Variants in SPATA18 observed in about 807,000 individuals in gnomAD.
The protein encoded by SPATA18 is spermatogenesis associated 18, also known as mitochondria-eating protein.
A neutral mutation model predicts 68.1 loss-of-function variants in SPATA18; 54 were observed. The ratio of observed to expected loss-of-function variants is 0.79; its 90% CI spans 0.64 to 0.99. SPATA18 has a LOEUF of 0.99. Ranked by LOEUF, SPATA18 falls within the 50% of genes least tolerant of loss-of-function variation. SPATA18 has a pLI of 0.00. For missense variants in SPATA18, 724 were observed against 681.1 expected, an observed-to-expected ratio of 1.06 and a Z score of -0.70; for synonymous variants, 242 against 244.8, an observed-to-expected ratio of 0.99 and a Z score of 0.11.
chr4:52,057,265 A>G (rs1040521661), intron 1 of SPATA18, among the ~76,000 whole-genome samples: 2 of 152,096 alleles, frequency 1.3e-5, no homozygotes, highest in Admixed American at 6.5e-5. Context: ...TTATGAATGA[A>G]TAAATCTGGA....
intron 1 of SPATA18, among the ~76,000 whole-genome samples, chr4:52,053,989 C>A (rs1367387318): frequency 6.6e-6 from 1 of 152,218 alleles, no homozygotes; most frequent in South Asian, 2.1e-4. Context: ...TTAACCTTAT[C>A]TGTTACTCTC....
At chr4:52,068,373 T>TA (rs762513981) in intron 4 of SPATA18, among the ~76,000 whole-genome samples, 8 of 152,192 alleles carry the variant, frequency 5.3e-5, no homozygotes, top group Non-Finnish European at 1.2e-4. Flanking sequence ...ACTGTTTAGG[T>TA]ACTGGGGATA....
At chr4:52,072,984 G>C (rs1578174079) in intron 6 of SPATA18, among the ~76,000 whole-genome samples, 1 of 152,126 alleles carries the variant, frequency 6.6e-6, no homozygotes, top group Non-Finnish European at 1.5e-5. Context: ...GGACAAAGTA[G>C]GTGTTTCTCT....
At position 52,079,891 on chromosome 4, in the gene SPATA18, G is replaced by A; in HGVS notation, c.1327G>A (p.Ala443Thr). The A allele has an allele frequency of 1.2e-6, 2 of 1,613,366 alleles. No individual in the cohort carries two copies. The highest frequency in any genetic ancestry group is 1.7e-5 in the Admixed American group (1 of 59,900). The change falls in exon 9 of 13, where the codon GCA becomes ACA. Residue 443 changes from alanine to threonine, a missense_variant. Ala to Thr is a moderately conservative substitution (Grantham distance 58, BLOSUM62 0). Coordinates refer to ENST00000295213, the MANE Select transcript of SPATA18 (RefSeq NM_145263.4). ...ACCACCCCTAGATATTGCATATGGA[G>A]CAGATGGAGAAGTTTTTAATGATTG... ...LEPPLDIAYG[A>T]DGEVFNDCKY... is the part of the protein sequence containing the mutation.
rs540248780 is a variant in SPATA18, at chr4:52,065,006, G to C, written c.422+2674G>C. On this transcript the variant is annotated intron_variant, in intron 4 of 12. Coordinates refer to ENST00000295213, the MANE Select transcript of SPATA18 (RefSeq NM_145263.4). ...TGGTATTGCATTGTGATTTTAAATT[G>C]CATTTCCCTGATAATTAGTGATGCT... Among the ~76,000 whole-genome samples the C allele has an allele frequency of 2.3e-4, 35 of 152,186 alleles. No individual in the cohort carries two copies. The South Asian group carries it at 7.1e-3, about 31-fold the overall frequency.
intron 8 of SPATA18, 33 bp from the exon 9 acceptor site, chr4:52,079,711 G>A (rs1740750554): frequency 6.2e-7 from 1 of 1,608,038 alleles, no homozygotes; most frequent in African/African-American, 1.3e-5. Flanking sequence ...GTCACAGGCT[G>A]GTAACAAAGT....
At position 52,095,501 on chromosome 4, in the gene SPATA18, C is replaced by T. The variant is rs997790772; in HGVS notation, c.*614C>T. The T allele has an allele frequency of 2.6e-5, 4 of 152,080 alleles. No homozygotes were observed. Among genetic ancestry groups the T allele is most frequent in the Middle Eastern group, 3.2e-3 (1 of 316 alleles). 9.4% of individuals were successfully genotyped at this position (152,080 alleles called of 1,614,324 possible). The stretch of plus-strand genomic sequence containing the variant: ...ATATTTATTGGTTGGCTTGCTTTTC[C>T]GTTCTGATTTTGAGAGTGCCCAGTT... On this transcript the variant is annotated 3_prime_UTR_variant, in exon 13 of 13. Transcript: ENST00000295213.
intron 8 of SPATA18, 129 bp downstream of exon 8, chr4:52,079,022 G>A: frequency 9.6e-7 from 1 of 1,044,466 alleles, no homozygotes; most frequent in Non-Finnish European, 1.3e-6. Context: ...GAAAGGAACA[G>A]CATTCAATTT....
chr4:52,062,305 G>A lies in SPATA18; in HGVS notation c.395G>A (p.Arg132Gln), dbSNP rs375880386. Residue 132 changes from arginine (R) to glutamine (Q), a missense_variant, in exon 4 of 13, where the codon CGG (arginine) becomes CAG (glutamine). By Grantham distance (43) the Arg-to-Gln change is conservative. Coordinates refer to ENST00000295213, the MANE Select transcript of SPATA18 (RefSeq NM_145263.4). ...QQLDSNLNST[R>Q]SQCNQVQDDL... The stretch of plus-strand genomic sequence containing the variant: ...TTAGACTCTAATTTGAACTCAACCC[G>A]GAGTCAATGCAACCAGGTTCAAGAC... 4.3e-5 allele frequency: 70 copies of A among 1,609,246 alleles called. No homozygotes were observed. The South Asian group carries it at 5.9e-4, about 13-fold the overall frequency.
At position 52,082,482 on chromosome 4, in the gene SPATA18, G is replaced by A; in HGVS notation, c.1451G>A (p.Gly484Glu). Residue 484 changes from glycine (G) to glutamate (E), a missense_variant, in exon 10 of 13, where the codon GGA becomes GAA. Transcript: ENST00000295213. ...GAGAATGACTGTGTCATTATGAAGG[G>A]AGAAGCTGTCACCAGGAGAGGGGCT... ...LMENDCVIMK[G>E]EAVTRRGAFW... 1 of 1,614,122 alleles carries A rather than the reference G, an allele frequency of 6.2e-7. No individual in the cohort carries two copies. The highest frequency in any genetic ancestry group is 8.5e-7 in the Non-Finnish European group (1 of 1,179,996).
chr4:52,060,881 A>G lies in SPATA18; in HGVS notation c.293A>G (p.Lys98Arg). The change falls in exon 3 of 13, where the codon AAG (lysine) becomes AGG (arginine). Residue 98 changes from lysine (K) to arginine (R), a missense_variant. Transcript: ENST00000295213. ...TCCCTGGGAAAATCTGTTGACAGCA[A>G]GGTCCCCTCTCTGCAGGTAGGGATG... ...AASLGKSVDS[K>R]VPSLQDTFDR... 7 of 1,613,886 alleles carry G rather than the reference A, an allele frequency of 4.3e-6. No homozygotes were observed. Among genetic ancestry groups the G allele is most frequent in the Non-Finnish European group, 5.9e-6 (7 of 1,179,862 alleles).
intron 1 of SPATA18, among the ~76,000 whole-genome samples, chr4:52,053,033 A>G (rs878948136): frequency 1.8e-4 from 28 of 152,248 alleles, no homozygotes; most frequent in African/African-American, 6.5e-4. Context: ...CTAATTTTAA[A>G]AGTACCTACT....
Position 52,096,459 on chromosome 4 carries a change from G to T in SPATA18, c.*1572G>T, listed in dbSNP as rs1232052081. On this transcript the variant is annotated 3_prime_UTR_variant, in exon 13 of 13. Coordinates refer to ENST00000295213, the MANE Select transcript of SPATA18 (RefSeq NM_145263.4). The stretch of plus-strand genomic sequence containing the variant: ...AAGTATTTTATTCTGAATATGAAAT[G>T]AAAATTAAAGTTAATATAATCATCT... The T allele has an allele frequency of 6.6e-6, 1 of 152,092 alleles. No individual in the cohort carries two copies. The highest frequency in any genetic ancestry group is 2.1e-4 in the South Asian group (1 of 4,820). The allele number at this position is 152,092 out of a possible 1,614,324, so 9.4% of individuals were successfully genotyped here. A position where few individuals can be genotyped will look rare whatever the true frequency, so the allele number is the denominator to read the frequency against.
intron 10 of SPATA18, chr4:52,083,388 A>G: frequency 1.0e-6 from 1 of 985,384 alleles, no homozygotes; most frequent in South Asian, 4.7e-5. Flanking sequence ...AGAACTGAAG[A>G]AAAGGGTTTT....
intron 5 of SPATA18, among the ~76,000 whole-genome samples, chr4:52,071,248 G>A (rs535734732): frequency 1.8e-4 from 27 of 151,868 alleles, no homozygotes; most frequent in Non-Finnish European, 3.1e-4. Context: ...CATTTTCATC[G>A]TAGCATCTTC....
chr4:52,095,017 C>A lies in SPATA18; in HGVS notation c.*130C>A. The A allele has an allele frequency of 9.4e-7, 1 of 1,063,464 alleles. No individual in the cohort carries two copies. Among genetic ancestry groups the A allele is most frequent in the East Asian group, 2.4e-5 (1 of 41,962 alleles). The allele number at this position is 1,063,464 out of a possible 1,614,324, so 65.9% of individuals were successfully genotyped here. A position where few individuals can be genotyped will look rare whatever the true frequency, so the allele number is the denominator to read the frequency against. ...CAAAAGGCAATTCTGTGTATCACCC[C>A]ACACAGAGAGTTAAATGTTTTGGCT... On this transcript the variant is annotated 3_prime_UTR_variant, in exon 13 of 13. Transcript: ENST00000295213.
Position 52,083,572 on chromosome 4 carries a change from T to C in SPATA18, c.1479+1062T>C, listed in dbSNP as rs375814625. 1.0e-4 allele frequency: 72 copies of C among 693,224 alleles called. No individual in the cohort carries two copies. In the African/African-American group the frequency reaches 1.2e-3, roughly 12 times the overall value. The allele number at this position is 693,224 out of a possible 1,614,324, so 42.9% of individuals were successfully genotyped here. A position where few individuals can be genotyped will look rare whatever the true frequency, so the allele number is the denominator to read the frequency against. Reference sequence around the variant, plus strand: ...TGAGCCTGGGCAACATAGCGAGACCTCATCTCTACAAAAAATAAACAAATT... The same window carrying C: ...TGAGCCTGGGCAACATAGCGAGACCCCATCTCTACAAAAAATAAACAAATT... On this transcript the variant is annotated intron_variant, in intron 10 of 12. Transcript: ENST00000295213.
chr4:52,052,128 T>C (rs1211200849), intron 1 of SPATA18, among the ~76,000 whole-genome samples: 2 of 151,900 alleles, frequency 1.3e-5, no homozygotes, highest in Admixed American at 1.3e-4. Context: ...GGTCTGGTCA[T>C]GCCTGCCACT....
Position 52,060,508 on chromosome 4 carries a change from A to G in SPATA18, c.177A>G (p.Thr59=), listed in dbSNP as rs781352630. The change falls in exon 2 of 13, where the codon ACA becomes ACG. Residue 59 remains threonine (T), a synonymous_variant. Coordinates refer to ENST00000295213, the MANE Select transcript of SPATA18 (RefSeq NM_145263.4). ...AGGGACAACTCTTTGGGATCCTCAC[A>G]GCAGCAGCCCAAGAAGGTGAGAATG... ...KVQGQLFGIL[T]AAAQEGGRND... is the part of the protein sequence containing the mutation. 6.2e-7 allele frequency: 1 copy of G among 1,613,956 alleles called. No individual in the cohort carries two copies. Among genetic ancestry groups the G allele is most frequent in the South Asian group, 1.1e-5 (1 of 91,060 alleles).
Sources: allele counts gnomAD v4.1 joint callset (sites outside exome capture counted in the v4.1 genomes callset), GRCh38; gene constraint gnomAD v4.1.1; transcripts MANE v1.5; gene names NCBI Gene and HGNC (gene_info 2026-07-23, HGNC 2026-07-21).